Variants in HCN4 observed in about 807,000 individuals in gnomAD.
HCN4 encodes hyperpolarization activated cyclic nucleotide gated potassium channel 4, also known as potassium/sodium hyperpolarization-activated cyclic nucleotide-gated channel 4.
In HCN4, 29 loss-of-function variants were observed where a neutral mutation model predicts 76.9. The ratio of observed to expected loss-of-function variants is 0.38; its 90% CI spans 0.28 to 0.51. HCN4 has a LOEUF of 0.51. Among genes scored for constraint, HCN4 ranks in the 20% least tolerant of loss-of-function variants. The pLI, the probability that HCN4 is intolerant of heterozygous loss-of-function variation, is 0.90. For synonymous variants in HCN4, 772 were observed against 762.5 expected (o/e 1.01, Z -0.21); for missense variants, 1,416 against 1,715.2 (o/e 0.83, Z 3.08).
rs886042819 is a variant in HCN4 at position 73,324,177 on chromosome 15, G to A, written c.2055C>T (p.Ser685=). Residue 685 remains serine (S), a synonymous_variant, in exon 7 of 8, where the codon AGC becomes AGT. Transcript: ENST00000261917. The part of the protein sequence containing the change: ...ADTYCRLYSL[S]VDNFNEVLEE... ...CCAGCACCTCATTGAAGTTGTCCAC[G>A]CTCAGCGAGTAGAGGCGGCAGTAGG... 1.9e-5 allele frequency: 31 copies of A among 1,613,974 alleles called. No individual in the cohort carries two copies. The highest frequency in any genetic ancestry group is 9.3e-5 in the African/African-American group (7 of 74,932).
rs1595837376 is a variant in HCN4, at chr15:73,367,757, G to A, written c.514C>T (p.Pro172Ser). ...AASPPPPQQP[P>S]QPASASCEQP... is the part of the protein sequence containing the mutation. Reference sequence around the variant, plus strand: ...TCGCAGGAGGCGGAGGCCGGCTGCGGTGGCTGCTGGGGCGGCGGCGGCGAG... The same window carrying A: ...TCGCAGGAGGCGGAGGCCGGCTGCGATGGCTGCTGGGGCGGCGGCGGCGAG... The change falls in exon 1 of 8, where the codon CCG becomes TCG. Residue 172 changes from proline to serine, a missense_variant. Physicochemically the swap from Pro to Ser is moderately conservative, Grantham distance 74. This residue lies in a region of HCN4 where 355 missense variants were observed against 347.8 expected (regional missense o/e 1.02). Transcript: ENST00000261917. The surrounding 1 kb of genome is among the most constrained non-coding windows in gnomAD (Gnocchi z 7.5). The A allele has an allele frequency of 1.3e-6, 2 of 1,553,180 alleles. No homozygotes were observed. The highest frequency in any genetic ancestry group is 1.7e-6 in the Non-Finnish European group (2 of 1,157,402).
chr15:73,343,031 G>A lies in HCN4; in HGVS notation c.1209+354C>T, dbSNP rs1050303956. On this transcript the variant is annotated intron_variant, in intron 2 of 7. Coordinates refer to ENST00000261917, the MANE Select transcript of HCN4 (RefSeq NM_005477.3). The surrounding 1 kb of genome is among the most constrained non-coding windows in gnomAD (Gnocchi z 5.7). Reference sequence around the variant, plus strand: ...ACAACATAACGCAGTGGTTAATAATGTGGGCTCTAGAGGTGATCGGCTTAA... The same window carrying A: ...ACAACATAACGCAGTGGTTAATAATATGGGCTCTAGAGGTGATCGGCTTAA... 2.6e-4 allele frequency among the ~76,000 whole-genome samples: 40 copies of A among 152,282 alleles called. No homozygotes were observed. Among genetic ancestry groups the A allele is most frequent in the African/African-American group, 7.7e-4 (32 of 41,552 alleles).
chr15:73,331,340 T>G (rs551913123), intron 3 of HCN4, among the ~76,000 whole-genome samples: 149 of 152,238 alleles, frequency 9.8e-4, no homozygotes, highest in Non-Finnish European at 1.5e-3. Context: ...CGGATCAGGA[T>G]ATGTTGGCGA....
chr15:73,358,384 G>C (rs539746328), intron 1 of HCN4, among the ~76,000 whole-genome samples: 2 of 152,334 alleles, frequency 1.3e-5, no homozygotes, highest in South Asian at 4.1e-4. Context: ...GCTGACTTTG[G>C]CATACAGTGG....
chr15:73,323,939 GTTC>G lies in HCN4; in HGVS notation c.2151_2153del (p.Lys717del), dbSNP rs1196476454. ...GCTGGACTTTGTGGAGGAGGATGGA[GTTC>G]TTCTTGCCTGGGCCACAGAACAAGA... On this transcript the variant is annotated inframe_deletion, in exon 8 of 8. Coordinates refer to ENST00000261917, the MANE Select transcript of HCN4 (RefSeq NM_005477.3). The G allele has an allele frequency of 1.2e-6, 2 of 1,604,940 alleles. No individual in the cohort carries two copies. The highest frequency in any genetic ancestry group is 1.3e-5 in the African/African-American group (1 of 74,902).
Position 73,328,287 on chromosome 15 carries a change from G to A in HCN4, c.1590+1286C>T, listed in dbSNP as rs1010894305. On this transcript the variant is annotated intron_variant, in intron 4 of 7. Coordinates refer to ENST00000261917, the MANE Select transcript of HCN4 (RefSeq NM_005477.3). This position sits in a 1 kb window ranked among gnomAD's most constrained non-coding sequence, Gnocchi z 4.0. ...AAGCCCGTGTCTGGGTCCCATGGCA[G>A]GAGCAGGCATGGGGAGAGAAGTCTG... Among the ~76,000 whole-genome samples, 8 of 152,056 alleles carry A rather than the reference G, an allele frequency of 5.3e-5. No homozygotes were observed. The highest frequency in any genetic ancestry group is 1.9e-4 in the African/African-American group (8 of 41,412).
At chr15:73,349,446 T>TGGGC (rs1051652294) in intron 1 of HCN4, among the ~76,000 whole-genome samples, 1 of 152,108 alleles carries the variant, frequency 6.6e-6, no homozygotes, top group Non-Finnish European at 1.5e-5. Flanking sequence ...CCATATATGG[T>TGGGC]GGGCCAAGTA....
chr15:73,352,570 G>T lies in HCN4; in HGVS notation c.786-8762C>A, dbSNP rs1467318994. On this transcript the variant is annotated intron_variant, in intron 1 of 7. Transcript: ENST00000261917. ...TGACAGGATGGGATGAGAGAGAGCT[G>T]GTCGGGGGACCTTGTGGCTAAAGAC... 3.3e-5 allele frequency among the ~76,000 whole-genome samples: 5 copies of T among 152,216 alleles called. No individual in the cohort carries two copies. In the South Asian group the frequency reaches 1.0e-3, roughly 32 times the overall value.
chr15:73,332,859 C>A (rs1398512462), intron 2 of HCN4, among the ~76,000 whole-genome samples: 2 of 152,150 alleles, frequency 1.3e-5, no homozygotes, highest in Non-Finnish European at 2.9e-5. Context: ...AGCTGTGTAA[C>A]CTTGAACCTC....
At chr15:73,338,217 G>A (rs756135101) in intron 2 of HCN4, among the ~76,000 whole-genome samples, 60 of 152,326 alleles carry the variant, frequency 3.9e-4, no homozygotes, top group African/African-American at 7.9e-4. Flanking sequence ...ACAGGCCACC[G>A]GAGAGTCAGT....
At chr15:73,356,648 G>C (rs79240481) in intron 1 of HCN4, among the ~76,000 whole-genome samples, 6,500 of 151,932 alleles carry the variant, frequency 0.043, 180 homozygotes, top group Middle Eastern at 0.12. Flanking sequence ...TGATGGGATG[G>C]AGCTTGGGGC....
intron 4 of HCN4, among the ~76,000 whole-genome samples, chr15:73,327,750 T>TG (rs1302542244): frequency 2.0e-5 from 3 of 152,150 alleles, no homozygotes; most frequent in Non-Finnish European, 4.4e-5. Flanking sequence ...ACCACCCCTA[T>TG]GCTCATCCTC....
At chr15:73,340,684 C>T (rs911876173) in intron 2 of HCN4, among the ~76,000 whole-genome samples, 3 of 152,236 alleles carry the variant, frequency 2.0e-5, no homozygotes, top group African/African-American at 7.2e-5. Context: ...CAGATCTCCT[C>T]CCCTGCCACT....
intron 1 of HCN4, among the ~76,000 whole-genome samples, chr15:73,363,556 T>A (rs116186589): frequency 0.023 from 3,447 of 152,242 alleles, 116 homozygotes; most frequent in African/African-American, 0.077. Context: ...CAGATGGTCC[T>A]CAACTTAGGG....
At position 73,343,426 on chromosome 15, in the gene HCN4, G is replaced by C. The variant is rs918783630; in HGVS notation, c.1168C>G (p.Arg390Gly). 1 of 1,614,150 alleles carries C rather than the reference G, an allele frequency of 6.2e-7. No individual in the cohort carries two copies. The highest frequency in any genetic ancestry group is 8.5e-7 in the Non-Finnish European group (1 of 1,180,028). ...TKILSLLRLL[R>G]LSRLIRYIHQ... Reference sequence around the variant, plus strand: ...ATATATCGAATGAGGCGGGAGAGGCGTAACAGGCGTAAGAGGCTGAGGATC... The same window carrying C: ...ATATATCGAATGAGGCGGGAGAGGCCTAACAGGCGTAAGAGGCTGAGGATC... The change falls in exon 2 of 8, where the codon CGC becomes GGC. Residue 390 changes from arginine (R) to glycine (G), a missense_variant. Transcript: ENST00000261917. This position sits in a 1 kb window ranked among gnomAD's most constrained non-coding sequence, Gnocchi z 5.7.
intron 4 of HCN4, among the ~76,000 whole-genome samples, chr15:73,327,872 A>G (rs1268573884): frequency 6.6e-6 from 1 of 152,058 alleles, no homozygotes; most frequent in Non-Finnish European, 1.5e-5. Flanking sequence ...TCTTCTTGGC[A>G]TCATGGGACC....
At position 73,343,948 on chromosome 15, in the gene HCN4, C is replaced by A; in HGVS notation, c.786-140G>T. ...GACAGGAAGACAGGCACATGGGTAC[C>A]AGGGCAAGATGTGGAGATTGGCACA... On this transcript the variant is annotated intron_variant, in intron 1 of 7. Coordinates refer to ENST00000261917, the MANE Select transcript of HCN4 (RefSeq NM_005477.3). This position sits in a 1 kb window ranked among gnomAD's most constrained non-coding sequence, Gnocchi z 5.7. 1.2e-6 allele frequency: 1 copy of A among 816,086 alleles called. No individual in the cohort carries two copies. The highest frequency in any genetic ancestry group is 2.6e-5 in the East Asian group (1 of 38,672). 50.6% of individuals were successfully genotyped at this position (816,086 alleles called of 1,614,324 possible). A position where few individuals can be genotyped will look rare whatever the true frequency, so the allele number is the denominator to read the frequency against.
At chr15:73,356,620 G>A (rs1294788461) in intron 1 of HCN4, among the ~76,000 whole-genome samples, 1 of 151,830 alleles carries the variant, frequency 6.6e-6, no homozygotes, top group African/African-American at 2.4e-5. Flanking sequence ...CTCTGCAAGG[G>A]TCTACACCAC....
intron 1 of HCN4, among the ~76,000 whole-genome samples, chr15:73,354,158 A>G (rs963053048): frequency 1.3e-5 from 2 of 151,902 alleles, no homozygotes; most frequent in South Asian, 2.1e-4. Context: ...TTATTTTCCA[A>G]TTTTTCTATG....
Sources: allele counts gnomAD v4.1 joint callset (sites outside exome capture counted in the v4.1 genomes callset), GRCh38; gene constraint gnomAD v4.1.1; regional missense constraint gnomAD v4.1.1; non-coding constraint Gnocchi (gnomAD v3.1); transcripts MANE v1.5; gene names NCBI Gene and HGNC (gene_info 2026-07-23, HGNC 2026-07-21).